ARHGEF26: variants seen among roughly 807,000 people sequenced by gnomAD.
The protein encoded by ARHGEF26 is Rho guanine nucleotide exchange factor 26, also known as Rho guanine nucleotide exchange factor (GEF) 26.
Under a neutral mutation model 89.4 loss-of-function variants are expected in ARHGEF26, and 59 were observed. The ratio of observed to expected loss-of-function variants is 0.66; its 90% CI spans 0.54 to 0.82. ARHGEF26 has a LOEUF of 0.82. ARHGEF26 is among the 40% of genes least tolerant of loss of function. The pLI is 0.00. For missense variants in ARHGEF26, 1,234 were observed against 1,085.6 expected, an observed-to-expected ratio of 1.14 and a Z score of -1.92; for synonymous variants, 500 against 428.4, an observed-to-expected ratio of 1.17 and a Z score of -2.06.
chr3:154,225,124 C>G (rs1716404588), intron 10 of ARHGEF26, among the ~76,000 whole-genome samples: 1 of 151,658 alleles, frequency 6.6e-6, no homozygotes, highest in Non-Finnish European at 1.5e-5. Flanking sequence ...TTGGCTTGTA[C>G]AAGACTGAAT....
rs373054943 is a variant in ARHGEF26, at chr3:154,250,719, TAG to T, written c.2301-2391_2301-2390del. Among the ~76,000 whole-genome samples, 259 of 152,308 alleles carry T rather than the reference TAG, an allele frequency of 1.7e-3. 2 individuals are homozygous for T. The highest frequency in any genetic ancestry group is 6.0e-3 in the African/African-American group (249 of 41,570). On this transcript the variant is annotated intron_variant, in intron 12 of 14. Transcript: ENST00000465093. ...ATGTATAATTTGTTTCAGTATGGCA[TAG>T]AGAGACACAAATGGATCATTTTAGA...
chr3:154,224,540 C>T (rs1470854944), intron 10 of ARHGEF26, among the ~76,000 whole-genome samples: 1 of 152,218 alleles, frequency 6.6e-6, no homozygotes, highest in Non-Finnish European at 1.5e-5. Flanking sequence ...GCAAGATAGT[C>T]CTGTGTTTCC....
At chr3:154,219,932 A>AC (rs1176943892) in intron 10 of ARHGEF26, among the ~76,000 whole-genome samples, 16 of 31,374 alleles carry the variant, frequency 5.1e-4, no homozygotes, top group Middle Eastern at 0.014. Flanking sequence ...CAAAAAACAA[A>AC]AAACAAACAA....
intron 9 of ARHGEF26, among the ~76,000 whole-genome samples, chr3:154,205,543 C>T (rs1714964473): frequency 6.6e-6 from 1 of 151,980 alleles, no homozygotes; most frequent in Admixed American, 6.6e-5. Context: ...TTACTCCTGC[C>T]CTTTTGTTAT....
At chr3:154,188,108 CAG>C (rs1222348098) in intron 7 of ARHGEF26, among the ~76,000 whole-genome samples, 2 of 152,088 alleles carry the variant, frequency 1.3e-5, no homozygotes, top group African/African-American at 2.4e-5. Context: ...TTGCAGGAAA[CAG>C]AGGTGGTCCT....
intron 11 of ARHGEF26, among the ~76,000 whole-genome samples, chr3:154,237,578 C>CACACACACACTT (rs1559919348): frequency 1.4e-5 from 1 of 73,042 alleles, no homozygotes; most frequent in Non-Finnish European, 2.8e-5. Flanking sequence ...ACACACTTAA[C>CACACACACACTT]TAGTTTATTC....
At chr3:154,218,451 C>A (rs1239285330) in intron 10 of ARHGEF26, among the ~76,000 whole-genome samples, 1 of 151,748 alleles carries the variant, frequency 6.6e-6, no homozygotes, top group Non-Finnish European at 1.5e-5. Flanking sequence ...GCTTGTTATT[C>A]CTTGTCTGAT....
intron 6 of ARHGEF26, among the ~76,000 whole-genome samples, chr3:154,166,256 T>C (rs557859111): frequency 2.0e-5 from 3 of 152,256 alleles, no homozygotes; most frequent in South Asian, 2.1e-4. Context: ...TTCACCATGT[T>C]AGCCAGAATG....
intron 6 of ARHGEF26, among the ~76,000 whole-genome samples, chr3:154,156,436 AAG>A (rs1403752102): frequency 6.6e-6 from 1 of 152,112 alleles, no homozygotes; most frequent in Non-Finnish European, 1.5e-5. Context: ...AAGAAAAACA[AAG>A]AAATATCTGT....
intron 6 of ARHGEF26, among the ~76,000 whole-genome samples, chr3:154,175,886 T>C (rs1430040312): frequency 6.6e-6 from 1 of 152,220 alleles, no homozygotes; most frequent in Non-Finnish European, 1.5e-5. Context: ...ATAAACCCAC[T>C]TGGGAACTGT....
At chr3:154,162,516 T>C (rs897637090) in intron 6 of ARHGEF26, among the ~76,000 whole-genome samples, 1 of 152,124 alleles carries the variant, frequency 6.6e-6, no homozygotes, top group Non-Finnish European at 1.5e-5. Flanking sequence ...AGTAATGTTG[T>C]TTTGCTATAA....
rs533269728 is a variant in ARHGEF26 at position 154,240,665 on chromosome 3, G to T, written c.2300+86G>T. ...TTGGTTTACAGACTTCCTAAAAACA[G>T]CAGCTACTATTCATGTTTTTGTTGA... On this transcript the variant is annotated intron_variant, in intron 12 of 14. Transcript: ENST00000465093. 27 of 1,228,074 alleles carry T rather than the reference G, an allele frequency of 2.2e-5. No individual in the cohort carries two copies. The East Asian group carries it at 5.9e-4, about 27-fold the overall frequency. The allele number at this position is 1,228,074 out of a possible 1,614,324, so 76.1% of individuals were successfully genotyped here.
rs777945173 is a variant in ARHGEF26 at position 154,129,679 on chromosome 3, A to C, written c.1229A>C (p.His410Pro). 6.8e-6 allele frequency: 11 copies of C among 1,612,298 alleles called. No individual in the cohort carries two copies. Among genetic ancestry groups the C allele is most frequent in the Non-Finnish European group, 9.3e-6 (11 of 1,179,262 alleles). Residue 410 changes from histidine to proline, a missense_variant, in exon 4 of 15, where the codon CAC becomes CCC. Transcript: ENST00000465093. ...EQKSDEKIVI[H>P]HKPLRSTWSQ... ...AAGTCAGATGAAAAAATTGTGATTCACCATAAGCCATTGAGATCCACATGG... is the reference window on the plus strand; with the variant it reads ...AAGTCAGATGAAAAAATTGTGATTCCCCATAAGCCATTGAGATCCACATGG...
At chr3:154,125,087 C>T (rs1448681744) in intron 3 of ARHGEF26, among the ~76,000 whole-genome samples, 1 of 151,914 alleles carries the variant, frequency 6.6e-6, no homozygotes, top group African/African-American at 2.4e-5. Context: ...ATGAAGGGAG[C>T]AGTCCCAGCT....
At chr3:154,140,968 T>TG (rs1719337536) in intron 4 of ARHGEF26, among the ~76,000 whole-genome samples, 1 of 77,142 alleles carries the variant, frequency 1.3e-5, no homozygotes, top group South Asian at 5.3e-4. Context: ...GCTTCCATCC[T>TG]ATTTTTTTTT....
At chr3:154,121,753 C>G (rs544423824) in intron 1 of ARHGEF26, among the ~76,000 whole-genome samples, 189 bp from the exon 2 acceptor site, 4 of 152,180 alleles carry the variant, frequency 2.6e-5, no homozygotes, top group Non-Finnish European at 4.4e-5. Flanking sequence ...TCCGCCTGGG[C>G]GGCAGCCCAG....
chr3:154,174,813 C>G (rs75521560), intron 6 of ARHGEF26, among the ~76,000 whole-genome samples: 1 of 152,010 alleles, frequency 6.6e-6, no homozygotes, highest in East Asian at 1.9e-4. Context: ...CATACATATA[C>G]ATACTCATTT....
chr3:154,194,811 A>T, intron 9 of ARHGEF26, 93 bp downstream of exon 9: 1 of 1,028,824 alleles, frequency 9.7e-7, no homozygotes. Context: ...GAAAACTGGT[A>T]GAGTCTCACA....
At chr3:154,150,221 A>T (rs1304136450) in intron 5 of ARHGEF26, among the ~76,000 whole-genome samples, 1 of 151,890 alleles carries the variant, frequency 6.6e-6, no homozygotes, top group Non-Finnish European at 1.5e-5. Flanking sequence ...AAAAAAAATA[A>T]TAGTATAGAA....
Sources: gnomAD v4.1 joint callset for allele counts (sites outside exome capture counted in the v4.1 genomes callset) on GRCh38, gnomAD v4.1.1 for gene constraint, MANE v1.5 for transcripts, NCBI Gene and HGNC (gene_info 2026-07-23, HGNC 2026-07-21) for gene names.